TRIM14: variants seen among roughly 807,000 people sequenced by gnomAD.
TRIM14 encodes the protein tripartite motif-containing protein 14.
Under a neutral mutation model 44.5 loss-of-function variants are expected in TRIM14, and 28 were observed. The observed-to-expected ratio is 0.63, with a 90% CI of 0.47 to 0.86. The LOEUF (loss-of-function observed/expected upper bound fraction) is 0.86, where lower values mean the gene tolerates loss of function less well. TRIM14 is among the 40% of genes least tolerant of loss of function. The probability of loss-of-function intolerance (pLI) is 0.00; values close to 1 mark genes in which losing one functional copy is unlikely to be tolerated. For synonymous variants in TRIM14, 299 were observed against 269.2 expected (o/e 1.11, Z -1.08); for missense variants, 607 against 611.1 (o/e 0.99, Z 0.07).
At chr9:98,037,084 G>A in the TRIM14 span, among the ~76,000 whole-genome samples, 18 of 151,566 alleles carry the variant, frequency 1.2e-4, no homozygotes, top group Non-Finnish European at 2.4e-4. Context: ...GGTGAGAAGT[G>A]GGCAAAGAAG....
At position 98,085,888 on chromosome 9, in the gene TRIM14, A is replaced by G. The variant is rs1008961058; in HGVS notation, c.*1582T>C. The stretch of plus-strand genomic sequence containing the variant: ...ATTCGGCGACCTTGGCCTCCCACCA[A>G]GCACCTATGAAGATGCTTTAACAGA... On this transcript the variant is annotated 3_prime_UTR_variant, in exon 6 of 6. Coordinates refer to ENST00000341469, the MANE Select transcript of TRIM14 (RefSeq NM_014788.4). The G allele has an allele frequency of 1.3e-5, 2 of 152,202 alleles. No homozygotes were observed. Among genetic ancestry groups the G allele is most frequent in the Non-Finnish European group, 2.9e-5 (2 of 68,048 alleles). The allele number at this position is 152,202 out of a possible 1,614,324, so 9.4% of individuals were successfully genotyped here. A position where few individuals can be genotyped will look rare whatever the true frequency, so the allele number is the denominator to read the frequency against.
At chr9:98,091,780 T>G (rs1207918121) in intron 5 of TRIM14, 129 bp downstream of exon 5, 3 of 386,600 alleles carry the variant, frequency 7.8e-6, no homozygotes, top group Non-Finnish European at 1.2e-5. Context: ...AAAAACAAGT[T>G]CTTAAAATAA....
Position 98,095,970 on chromosome 9 carries a change from C to G in TRIM14, c.538-941G>C, listed in dbSNP as rs1391163674. On this transcript the variant is annotated intron_variant, in intron 3 of 5. Coordinates refer to ENST00000341469, the MANE Select transcript of TRIM14 (RefSeq NM_014788.4). This position sits in a 1 kb window ranked among gnomAD's most constrained non-coding sequence, Gnocchi z 4.1. ...TACTCTTCCATAAACTCCTTTCTTG[C>G]TTAAAACAGTTCCAGTGGATTCTCA... is the stretch of plus-strand genomic sequence containing the variant. 6.6e-6 allele frequency among the ~76,000 whole-genome samples: 1 copy of G among 152,252 alleles called. No homozygotes were observed. Among genetic ancestry groups the G allele is most frequent in the Admixed American group, 6.5e-5 (1 of 15,290 alleles).
Position 98,087,843 on chromosome 9 carries a change from G to T in TRIM14, c.956C>A (p.Thr319Asn), listed in dbSNP as rs894870446. The change falls in exon 6 of 6, where the codon ACC (threonine) becomes AAC (asparagine). Residue 319 changes from threonine to asparagine, a missense_variant. Thr to Asn is a moderately conservative substitution (Grantham distance 65). This residue lies in a region of TRIM14 where 356 missense variants were observed against 323.0 expected (regional missense o/e 1.10). Transcript: ENST00000341469. ...WQVLARDCFA[T>N]GRHYWEVDVQ... ...GTCAACCTCCCAGTAGTGGCGGCCG[G>T]TGGCGAAGCAGTCACGAGCCAGCAC... is the stretch of plus-strand genomic sequence containing the variant. 6.5e-6 allele frequency: 10 copies of T among 1,548,542 alleles called. No individual in the cohort carries two copies. The African/African-American group carries it at 1.4e-4, about 22-fold the overall frequency.
the TRIM14 span, among the ~76,000 whole-genome samples, chr9:98,055,146 A>G: frequency 3.3e-5 from 5 of 152,020 alleles, no homozygotes; most frequent in African/African-American, 9.7e-5. Context: ...CAGCCTCCCA[A>G]GTAGTTGGGA....
the TRIM14 span, among the ~76,000 whole-genome samples, chr9:98,048,194 G>C: frequency 6.6e-6 from 1 of 152,132 alleles, no homozygotes; most frequent in South Asian, 2.1e-4. Context: ...TTAAATGCAT[G>C]GTAAAATCAT....
chr9:98,078,287 CT>C, intron 6 of TRIM14: 1 of 1,614,090 alleles, frequency 6.2e-7, no homozygotes, highest in Non-Finnish European at 8.5e-7. Context: ...ACTTCTGCTT[CT>C]TGCAGTGTAC....
In TRIM14 at chr9:98,087,784, C is replaced by T; in HGVS notation, c.1015G>A (p.Ala339Thr). The change falls in exon 6 of 6, where the codon GCG (alanine) becomes ACG (threonine). Residue 339 changes from alanine to threonine, a missense_variant. Physicochemically the swap from Ala to Thr is moderately conservative, Grantham distance 58. Coordinates refer to ENST00000341469, the MANE Select transcript of TRIM14 (RefSeq NM_014788.4). ...CGGCGCCGAAGGGAGGCGTAGGCCG[C>T]GCCCACCCACCAGCCGGCGCCCGCC... ...QEAGAGWWVG[A>T]AYASLRRRGA... 6.6e-7 allele frequency: 1 copy of T among 1,503,832 alleles called. No individual in the cohort carries two copies. The highest frequency in any genetic ancestry group is 8.8e-7 in the Non-Finnish European group (1 of 1,137,582). 93.2% of individuals were successfully genotyped at this position (1,503,832 alleles called of 1,614,324 possible).
Position 98,087,957 on chromosome 9 carries a change from C to T in TRIM14, c.842G>A (p.Arg281His), listed in dbSNP as rs567268646. Reference protein sequence around the residue: ...LDPDTMHARLRLSADRLTVRC... With the variant: ...LDPDTMHARLHLSADRLTVRC... ...CACCGTCAGGCGATCGGCGGACAGG[C>T]GCAGGCGCGCGTGCATCGTGTCAGG... The change falls in exon 6 of 6, where the codon CGC (arginine) becomes CAC (histidine). Residue 281 changes from arginine to histidine, a missense_variant. Arg to His is a conservative substitution (Grantham distance 29). Coordinates refer to ENST00000341469, the MANE Select transcript of TRIM14 (RefSeq NM_014788.4). 8.3e-6 allele frequency: 13 copies of T among 1,564,100 alleles called. 2 individuals carry two copies. The South Asian group carries it at 1.5e-4, about 18-fold the overall frequency.
downstream of TRIM14, among the ~76,000 whole-genome samples, chr9:98,082,442 G>GA (rs1448202482): frequency 5.9e-5 from 9 of 152,226 alleles, no homozygotes; most frequent in Admixed American, 3.3e-4. Flanking sequence ...GTAACCAAAA[G>GA]AATCAGAGTT....
At position 98,101,697 on chromosome 9, in the gene TRIM14, G is replaced by A. The variant is rs188129926; in HGVS notation, c.304-1533C>T. On this transcript the variant is annotated intron_variant, in intron 2 of 5. Transcript: ENST00000341469. ...TGGTCCCCCAAAGTGCTGGATTACA[G>A]GCATGAGCCACTGCACCTGGCCTCA... is the stretch of plus-strand genomic sequence containing the variant. 2.1e-3 allele frequency among the ~76,000 whole-genome samples: 315 copies of A among 152,258 alleles called. 4 individuals are homozygous for A. Among genetic ancestry groups the A allele is most frequent in the Admixed American group, 0.02 (312 of 15,280 alleles).
In TRIM14 at chr9:98,095,086, C is replaced by A; in HGVS notation, c.538-57G>T. The A allele has an allele frequency of 6.4e-7, 1 of 1,566,376 alleles. No homozygotes were observed. Among genetic ancestry groups the A allele is most frequent in the East Asian group, 2.2e-5 (1 of 44,518 alleles). On this transcript the variant is annotated intron_variant, in intron 3 of 5. Transcript: ENST00000341469. This position sits in a 1 kb window ranked among gnomAD's most constrained non-coding sequence, Gnocchi z 4.1. ...TGGGAGATGCAGGCAGCATCCCAGCCTCCTGTGCTGCACCCAGGAACAAAC... is the reference window on the plus strand; with the variant it reads ...TGGGAGATGCAGGCAGCATCCCAGCATCCTGTGCTGCACCCAGGAACAAAC...
At chr9:98,116,471 A>G (rs1307556859) in intron 1 of TRIM14, among the ~76,000 whole-genome samples, 2 of 152,130 alleles carry the variant, frequency 1.3e-5, no homozygotes, top group African/African-American at 2.4e-5. Flanking sequence ...AATTCACCCA[A>G]TGTGTATGGG....
the TRIM14 span, among the ~76,000 whole-genome samples, chr9:98,041,772 T>C: frequency 2.7e-5 from 4 of 150,428 alleles, no homozygotes; most frequent in South Asian, 8.7e-4. Context: ...AAGTTCCGCC[T>C]CCCAGGTTCA....
At chr9:98,052,808 A>G in the TRIM14 span, among the ~76,000 whole-genome samples, 7 of 152,196 alleles carry the variant, frequency 4.6e-5, no homozygotes, top group Non-Finnish European at 1.0e-4. Flanking sequence ...GCTCAGCCCA[A>G]AATCTTTTAT....
At chr9:98,056,615 GCCCCCGC>G in the TRIM14 span, 8 of 821,404 alleles carry the variant, frequency 9.7e-6, no homozygotes, top group Admixed American at 3.7e-5. Context: ...GGGAGGCCCC[GCCCCCGC>G]CCCCCGCCCC....
chr9:98,113,274 G>A (rs1439278461), intron 1 of TRIM14, among the ~76,000 whole-genome samples: 2 of 152,098 alleles, frequency 1.3e-5, no homozygotes, highest in Non-Finnish European at 2.9e-5. Flanking sequence ...AATAGAAAAT[G>A]GTGAGAGATT....
intron 4 of TRIM14, among the ~76,000 whole-genome samples, chr9:98,092,891 C>T (rs540179948): frequency 1.3e-5 from 2 of 152,314 alleles, no homozygotes; most frequent in South Asian, 2.1e-4. Context: ...TCTGAGTGCA[C>T]TGTGGCTCAG....
chr9:98,062,339 G>A, the TRIM14 span, among the ~76,000 whole-genome samples: 2 of 152,128 alleles, frequency 1.3e-5, no homozygotes, highest in African/African-American at 2.4e-5. Context: ...GATGGTCACC[G>A]GTGGTTTTTG....
Sources: gnomAD v4.1 joint callset for allele counts (sites outside exome capture counted in the v4.1 genomes callset) on GRCh38, gnomAD v4.1.1 for gene constraint, gnomAD v4.1.1 regional missense constraint, Gnocchi (gnomAD v3.1) non-coding constraint, MANE v1.5 for transcripts, NCBI Gene and HGNC (gene_info 2026-07-23, HGNC 2026-07-21) for gene names.